The following BAIAP2L2 variants were observed in gnomAD, a reference collection of about 807,000 sequenced individuals.
The protein encoded by BAIAP2L2 is BAR/IMD domain-containing adapter protein 2-like 2.
BAIAP2L2 carries 65 observed loss-of-function variants against 60.4 expected under a neutral mutation model. The observed-to-expected ratio is 1.08, with a 90% CI of 0.88 to 1.32. The LOEUF is 1.32. Ranked by LOEUF, BAIAP2L2 falls within the 40% of genes most tolerant of loss-of-function variation. The pLI is 0.00. For synonymous variants in BAIAP2L2, 344 were observed against 301.7 expected (o/e 1.14, Z -1.45); for missense variants, 836 against 741.2 (o/e 1.13, Z -1.48).
chr22:38,089,083 C>T lies in BAIAP2L2; in HGVS notation c.901+13G>A. On this transcript the variant is annotated intron_variant, in intron 9 of 13. Coordinates refer to ENST00000381669, the MANE Select transcript of BAIAP2L2 (RefSeq NM_025045.6). The stretch of plus-strand genomic sequence containing the variant: ...TCCCGGCCCTCCTGCCGCCCCGGGG[C>T]GGGGGCACTCACAGGCCGACGGCGT... The T allele has an allele frequency of 7.2e-7, 1 of 1,379,928 alleles. No individual in the cohort carries two copies. Among genetic ancestry groups the T allele is most frequent in the Non-Finnish European group, 9.3e-7 (1 of 1,072,546 alleles). The allele number at this position is 1,379,928 out of a possible 1,614,324, so 85.5% of individuals were successfully genotyped here. A position where few individuals can be genotyped will look rare whatever the true frequency, so the allele number is the denominator to read the frequency against.
chr22:38,097,345 C>T (rs1018761569), intron 6 of BAIAP2L2, among the ~76,000 whole-genome samples, 167 bp from the exon 7 acceptor site: 5 of 152,070 alleles, frequency 3.3e-5, no homozygotes, highest in African/African-American at 4.8e-5. Context: ...GCCCCATCAT[C>T]AGCAGCCTTG....
intron 2 of BAIAP2L2, 131 bp downstream of exon 2, chr22:38,109,002 A>AG: frequency 2.7e-6 from 2 of 734,202 alleles, no homozygotes; most frequent in Non-Finnish European, 4.4e-6. Flanking sequence ...TGTGAGGGTG[A>AG]GGGTGGTGGG....
At position 38,100,482 on chromosome 22, in the gene BAIAP2L2, G is replaced by A. The variant is rs567457839; in HGVS notation, c.277-2000C>T. The stretch of plus-strand genomic sequence containing the variant: ...GCGGAGGTTGCAGTGAGCCGAGATC[G>A]CACCACTGCATGCCAGCCTGGGCAA... On this transcript the variant is annotated intron_variant, in intron 4 of 13. Transcript: ENST00000381669. 6.6e-5 allele frequency among the ~76,000 whole-genome samples: 10 copies of A among 151,852 alleles called. No homozygotes were observed. In the East Asian group the frequency reaches 1.2e-3, roughly 18 times the overall value.
chr22:38,086,960 C>T (rs1409032115), intron 11 of BAIAP2L2, among the ~76,000 whole-genome samples, 164 bp downstream of exon 11: 2 of 146,986 alleles, frequency 1.4e-5, no homozygotes, highest in Non-Finnish European at 3.0e-5. Flanking sequence ...GGCGCCACTG[C>T]ACTCCAGCCT....
At chr22:38,104,762 C>T (rs2086631134) in intron 4 of BAIAP2L2, among the ~76,000 whole-genome samples, 1 of 152,092 alleles carries the variant, frequency 6.6e-6, no homozygotes, top group African/African-American at 2.4e-5. Flanking sequence ...TCCCAAAGTG[C>T]TGGGATTACA....
intron 4 of BAIAP2L2, among the ~76,000 whole-genome samples, chr22:38,102,512 G>A (rs1382246583): frequency 1.3e-5 from 2 of 152,078 alleles, no homozygotes; most frequent in East Asian, 1.9e-4. Context: ...TCTCTGAGGT[G>A]AAATCCAATA....
chr22:38,095,278 G>A (rs1459829223), intron 7 of BAIAP2L2, among the ~76,000 whole-genome samples: 5 of 152,238 alleles, frequency 3.3e-5, no homozygotes, highest in Non-Finnish European at 2.9e-5. Context: ...GGAAGTGGAG[G>A]ATGGGAAGGA....
chr22:38,086,345 G>A lies in BAIAP2L2; in HGVS notation c.1364C>T (p.Thr455Ile), dbSNP rs752903550. The A allele has an allele frequency of 1.6e-5, 25 of 1,599,462 alleles. 2 individuals carry two copies. The highest frequency in any genetic ancestry group is 6.8e-5 in the Admixed American group (4 of 59,004). Residue 455 changes from threonine to isoleucine, a missense_variant, in exon 12 of 14, where the codon ACC (threonine) becomes ATC (isoleucine). Physicochemically the swap from Thr to Ile is moderately conservative, Grantham distance 89. Coordinates refer to ENST00000381669, the MANE Select transcript of BAIAP2L2 (RefSeq NM_025045.6). ...GGCACGGCTTGGCACCCGGCTTGGG[G>A]TGCGGGAGCGGGACTGGCCATCCCA... ...EYWDGQSRSR[T>I]PSRVPSRAPS...
rs568510739 is a variant in BAIAP2L2 at position 38,086,143 on chromosome 22, G to A, written c.1467+99C>T. The stretch of plus-strand genomic sequence containing the variant: ...ACAGACTGAGTGAGGCCAGGTAGGC[G>A]GGTCCCCTGCCAGACAGCCGGTGAC... On this transcript the variant is annotated intron_variant, in intron 12 of 13. Coordinates refer to ENST00000381669, the MANE Select transcript of BAIAP2L2 (RefSeq NM_025045.6). 157 of 1,315,812 alleles carry A rather than the reference G, an allele frequency of 1.2e-4. No homozygotes were observed. The East Asian group carries it at 2.4e-3, about 20-fold the overall frequency. The allele number at this position is 1,315,812 out of a possible 1,614,324, so 81.5% of individuals were successfully genotyped here.
rs778800237 is a variant in BAIAP2L2 at position 38,108,325 on chromosome 22, G to T, written c.144C>A (p.Ala48=). ...LRAFHALSEA[A]EVYFSAIQKI... ...TCTGGATGGCACTGAAGTAGACCTCGGCCGCCTCGGACAGAGCTGTGGACC... is the reference window on the plus strand; with the variant it reads ...TCTGGATGGCACTGAAGTAGACCTCTGCCGCCTCGGACAGAGCTGTGGACC... The change falls in exon 3 of 14, where the codon GCC becomes GCA. Residue 48 remains alanine, a synonymous_variant. Coordinates refer to ENST00000381669, the MANE Select transcript of BAIAP2L2 (RefSeq NM_025045.6). The T allele has an allele frequency of 6.2e-7, 1 of 1,612,534 alleles. No individual in the cohort carries two copies. The highest frequency in any genetic ancestry group is 1.3e-5 in the African/African-American group (1 of 75,050).
At chr22:38,108,947 G>A (rs780553203) in intron 2 of BAIAP2L2, among the ~76,000 whole-genome samples, 186 bp downstream of exon 2, 5 of 151,928 alleles carry the variant, frequency 3.3e-5, no homozygotes, top group Non-Finnish European at 7.4e-5. Flanking sequence ...GGGGTGCGTG[G>A]GCACAGGAGA....
intron 4 of BAIAP2L2, among the ~76,000 whole-genome samples, chr22:38,103,661 G>C (rs570760996): frequency 6.6e-6 from 1 of 152,148 alleles, no homozygotes; most frequent in Admixed American, 6.5e-5. Context: ...TTAGGAGTTC[G>C]AGATCAGCCT....
chr22:38,108,669 G>C (rs1219415635), intron 2 of BAIAP2L2, among the ~76,000 whole-genome samples: 1 of 152,126 alleles, frequency 6.6e-6, no homozygotes, highest in African/African-American at 2.4e-5. Context: ...GTTTGCACGG[G>C]GACCGAGTGA....
intron 6 of BAIAP2L2, 50 bp downstream of exon 6, chr22:38,098,013 G>GGCCCCCCCCC: frequency 1.3e-6 from 1 of 787,484 alleles, no homozygotes; most frequent in Non-Finnish European, 2.0e-6. Context: ...TCGCCCCGAG[G>GGCCCCCCCCC]TCTGCCCACC....
Position 38,110,634 on chromosome 22 carries a change from G to A in BAIAP2L2, c.-109C>T. The A allele has an allele frequency of 1.1e-6, 1 of 870,984 alleles. No individual in the cohort carries two copies. Among genetic ancestry groups the A allele is most frequent in the South Asian group, 1.8e-5 (1 of 56,562 alleles). 54.0% of individuals were successfully genotyped at this position (870,984 alleles called of 1,614,324 possible). ...GTGCCCACGACTCAGCTGGCAGCGA[G>A]GAAGCCTCGGAGAGGGACCTGGAGA... is the stretch of plus-strand genomic sequence containing the variant. On this transcript the variant is annotated 5_prime_UTR_variant, in exon 1 of 14. Coordinates refer to ENST00000381669, the MANE Select transcript of BAIAP2L2 (RefSeq NM_025045.6).
chr22:38,103,398 C>T (rs1030127579), intron 4 of BAIAP2L2, among the ~76,000 whole-genome samples: 1 of 152,194 alleles, frequency 6.6e-6, no homozygotes, highest in Admixed American at 6.5e-5. Flanking sequence ...TGGCAATGAG[C>T]ACCACTAGTA....
intron 7 of BAIAP2L2, among the ~76,000 whole-genome samples, chr22:38,094,663 T>G (rs889245205): frequency 6.6e-6 from 1 of 152,196 alleles, no homozygotes; most frequent in Non-Finnish European, 1.5e-5. Flanking sequence ...TGTTTCTCCC[T>G]GGCAGACCTT....
Position 38,085,299 on chromosome 22 carries a change from C to G in BAIAP2L2, c.*1G>C, listed in dbSNP as rs1476038913. The G allele has an allele frequency of 6.2e-7, 1 of 1,613,850 alleles. No homozygotes were observed. The stretch of plus-strand genomic sequence containing the variant: ...TGTGGGGTACGACCTCGGACCCCGC[C>G]TCAGCGGATGAGGGGTGCTGAGCGG... On this transcript the variant is annotated 3_prime_UTR_variant, in exon 14 of 14. Coordinates refer to ENST00000381669, the MANE Select transcript of BAIAP2L2 (RefSeq NM_025045.6).
chr22:38,096,186 T>C (rs2086422515), intron 7 of BAIAP2L2, among the ~76,000 whole-genome samples: 1 of 152,080 alleles, frequency 6.6e-6, no homozygotes, highest in African/African-American at 2.4e-5. Flanking sequence ...AAGAGAGACA[T>C]TAAGTACATA....
Sources: allele counts gnomAD v4.1 joint callset (sites outside exome capture counted in the v4.1 genomes callset), GRCh38; gene constraint gnomAD v4.1.1; transcripts MANE v1.5; gene names NCBI Gene and HGNC (gene_info 2026-07-23, HGNC 2026-07-21).